The following APC variants were observed in gnomAD, a reference collection of about 807,000 sequenced individuals.
The protein encoded by APC is adenomatous polyposis coli protein.
A neutral mutation model predicts 247.0 loss-of-function variants in APC; 72 were observed. That is an observed-to-expected ratio of 0.29 (90% CI 0.24 to 0.35). The LOEUF (loss-of-function observed/expected upper bound fraction) is 0.35, where lower values mean the gene tolerates loss of function less well. Among genes scored for constraint, APC ranks in the 10% least tolerant of loss-of-function variants. APC has a pLI of 1.00. For synonymous variants in APC, 1,254 were observed against 1,162.5 expected, an observed-to-expected ratio of 1.08 and a Z score of -1.60; for missense variants, 3,400 against 3,360.7, an observed-to-expected ratio of 1.01 and a Z score of -0.29.
intron 11 of APC, among the ~76,000 whole-genome samples, chr5:112,822,530 A>G (rs1214552252): frequency 1.3e-5 from 2 of 152,224 alleles, no homozygotes; most frequent in Admixed American, 6.5e-5. Context: ...ACATTTCATT[A>G]TAACTTTGGA....
chr5:112,824,075 C>CT (rs1032087803), intron 11 of APC, among the ~76,000 whole-genome samples: 4 of 152,198 alleles, frequency 2.6e-5, no homozygotes, highest in Non-Finnish European at 5.9e-5. Context: ...AATTATCAGT[C>CT]TTTCTTTTGT....
chr5:112,741,627 AT>A (rs1753036490), intron 1 of APC, among the ~76,000 whole-genome samples: 2 of 152,226 alleles, frequency 1.3e-5, no homozygotes, highest in African/African-American at 4.8e-5. Flanking sequence ...ATAAATATAC[AT>A]AAAATTTACC....
chr5:112,743,149 G>A (rs907181866), intron 1 of APC, among the ~76,000 whole-genome samples: 1 of 152,072 alleles, frequency 6.6e-6, no homozygotes, highest in South Asian at 2.1e-4. Flanking sequence ...CATCTTCAGT[G>A]CCAGCAGCAT....
intron 1 of APC, among the ~76,000 whole-genome samples, chr5:112,718,126 A>T (rs1413660423): frequency 6.6e-6 from 1 of 151,486 alleles, no homozygotes; most frequent in Non-Finnish European, 1.5e-5. Context: ...ACAGTTTTCA[A>T]TTTTAAGCAA....
At chr5:112,760,427 A>G (rs1354400122) in intron 2 of APC, among the ~76,000 whole-genome samples, 1 of 152,190 alleles carries the variant, frequency 6.6e-6, no homozygotes, top group African/African-American at 2.4e-5. Context: ...AGGTCTCCTC[A>G]AGTCATTTGC....
At position 112,842,144 on chromosome 5, in the gene APC, G is replaced by T; in HGVS notation, c.6550G>T (p.Glu2184Ter). ...STLETKKIES[E>*]SKGIKGGKKV... ...ATTGGAAACTAAAAAGATAGAATCT[G>T]AAAGTAAAGGAATCAAAGGAGGAAA... Residue 2184 changes from glutamate (E) to a stop codon, truncating the protein, a stop_gained, in exon 16 of 16, where the codon GAA becomes TAA. Transcript: ENST00000257430. LOFTEE classifies it high-confidence loss of function. 1 of 1,611,804 alleles carries T rather than the reference G, an allele frequency of 6.2e-7. No individual in the cohort carries two copies. The highest frequency in any genetic ancestry group is 8.5e-7 in the Non-Finnish European group (1 of 1,178,736).
chr5:112,772,796 C>T (rs574009980), intron 4 of APC, among the ~76,000 whole-genome samples: 5 of 152,296 alleles, frequency 3.3e-5, no homozygotes, highest in South Asian at 4.1e-4. Context: ...GGATTACAGG[C>T]GTGACCCGCC....
chr5:112,819,668 A>G (rs577309128), intron 10 of APC, among the ~76,000 whole-genome samples: 8 of 152,328 alleles, frequency 5.3e-5, no homozygotes, highest in South Asian at 4.1e-4. Context: ...AGCTCATTTC[A>G]TAGATGAAAG....
In APC at chr5:112,837,549, T is replaced by C. The variant is rs1765069761; in HGVS notation, c.1959-4T>C. Reference sequence around the variant, plus strand: ...AATTTTGTGATCTCTTGATTTTATTTCAGGCAAATCCTAAGAGAGAACAAC... The same window carrying C: ...AATTTTGTGATCTCTTGATTTTATTCCAGGCAAATCCTAAGAGAGAACAAC... On this transcript the variant is annotated splice_region_variant and splice_polypyrimidine_tract_variant and intron_variant, in intron 15 of 15. Coordinates refer to ENST00000257430, the MANE Select transcript of APC (RefSeq NM_000038.6). 2.5e-6 allele frequency: 4 copies of C among 1,610,178 alleles called. No homozygotes were observed. The highest frequency in any genetic ancestry group is 2.2e-5 in the East Asian group (1 of 44,836).
In APC at chr5:112,843,519, C is replaced by T. The variant is rs1454473441; in HGVS notation, c.7925C>T (p.Thr2642Ile). The T allele has an allele frequency of 1.2e-6, 2 of 1,613,556 alleles. No individual in the cohort carries two copies. Among genetic ancestry groups the T allele is most frequent in the Non-Finnish European group, 1.7e-6 (2 of 1,179,650 alleles). The change falls in exon 16 of 16, where the codon ACT becomes ATT. Residue 2642 changes from threonine to isoleucine, a missense_variant. By Grantham distance (89) the Thr-to-Ile change is moderately conservative. Around this residue, in one of 9 missense-constraint regions of APC, gnomAD observed 1,788 missense variants for 1,649.5 expected, o/e 1.08. Coordinates refer to ENST00000257430, the MANE Select transcript of APC (RefSeq NM_000038.6). The surrounding 1 kb of genome is among the most constrained non-coding windows in gnomAD (Gnocchi z 4.8). ...SGATNGAESK[T>I]LIYQMAPAVS... ...GCTACAAATGGTGCTGAATCAAAGA[C>T]TCTAATTTATCAAATGGCACCTGCT... is the stretch of plus-strand genomic sequence containing the variant.
rs1302544501 is a variant in APC, at chr5:112,741,120, T to C, written c.-19+3195T>C. On this transcript the variant is annotated intron_variant, in intron 1 of 15. Coordinates refer to ENST00000257430, the MANE Select transcript of APC (RefSeq NM_000038.6). ...ACTACATATTTATTAGGATACCTTC[T>C]AAATATCATCTTTGAAAAATGCTGG... is the stretch of plus-strand genomic sequence containing the variant. Among the ~76,000 whole-genome samples the C allele has an allele frequency of 2.0e-5, 3 of 152,172 alleles. No homozygotes were observed. The South Asian group carries it at 6.2e-4, about 31-fold the overall frequency.
chr5:112,786,590 T>C (rs946166374), intron 6 of APC, among the ~76,000 whole-genome samples: 2 of 152,312 alleles, frequency 1.3e-5, no homozygotes, highest in Middle Eastern at 3.4e-3. Flanking sequence ...TACACCTCTA[T>C]ATTGCCATAA....
intron 8 of APC, chr5:112,810,365 A>C (rs916561606): frequency 1.9e-4 from 43 of 226,026 alleles, no homozygotes; most frequent in African/African-American, 9.7e-4. Flanking sequence ...TCTGTTGGCT[A>C]TTTTTTCTAT....
chr5:112,780,721 T>C (rs1194930295), intron 5 of APC, 69 bp from the exon 6 acceptor site: 12 of 1,086,610 alleles, frequency 1.1e-5, no homozygotes, highest in Non-Finnish European at 1.5e-5. Context: ...GGTTCTTATA[T>C]GCTTTTTTGC....
chr5:112,813,493 TTA>T (rs1322390249), intron 8 of APC, among the ~76,000 whole-genome samples: 3 of 152,178 alleles, frequency 2.0e-5, no homozygotes. Flanking sequence ...GAGCCCTTAA[TTA>T]TTGCTTGATT....
rs771766833 is a variant in APC, at chr5:112,727,398, C to T, written c.165+19516C>T. ...ATGATATTTTAAAAGCTTATATTTTCTCTTTCAAGGTAAGAATTTGGTAAT... is the reference window on the plus strand; with the variant it reads ...ATGATATTTTAAAAGCTTATATTTTTTCTTTCAAGGTAAGAATTTGGTAAT... On this transcript the variant is annotated intron_variant, in intron 1 of 13. Transcript: ENST00000507379. Among the ~76,000 whole-genome samples, 139 of 152,244 alleles carry T rather than the reference C, an allele frequency of 9.1e-4. 1 individual carries two copies. Among genetic ancestry groups the T allele is most frequent in the Non-Finnish European group, 4.4e-4 (30 of 67,998 alleles).
At chr5:112,770,388 T>A (rs1280706315) in intron 4 of APC, among the ~76,000 whole-genome samples, 2 of 152,194 alleles carry the variant, frequency 1.3e-5, no homozygotes, top group East Asian at 3.8e-4. Context: ...TAACTCCAAG[T>A]GGAAAATACA....
chr5:112,721,268 G>A (rs1402792563), intron 1 of APC, among the ~76,000 whole-genome samples: 1 of 152,044 alleles, frequency 6.6e-6, no homozygotes, highest in Non-Finnish European at 1.5e-5. Flanking sequence ...ACAAAAATTA[G>A]CCAGGCATGG....
upstream of APC, among the ~76,000 whole-genome samples, chr5:112,734,879 C>G (rs1317492814): frequency 1.3e-5 from 2 of 149,454 alleles, no homozygotes; most frequent in Admixed American, 1.3e-4. Context: ...CAGCCCCCAC[C>G]TCCCAGGTCC....
Sources: gnomAD v4.1 joint callset for allele counts (sites outside exome capture counted in the v4.1 genomes callset) on GRCh38, gnomAD v4.1.1 for gene constraint, gnomAD v4.1.1 regional missense constraint, Gnocchi (gnomAD v3.1) non-coding constraint, MANE v1.5 for transcripts, NCBI Gene and HGNC (gene_info 2026-07-23, HGNC 2026-07-21) for gene names.